ASXL2: variants seen among roughly 807,000 people sequenced by gnomAD.
ASXL2 encodes the protein putative Polycomb group protein ASXL2.
In ASXL2, 23 loss-of-function variants were observed where a neutral mutation model predicts 122.0. That is an observed-to-expected ratio of 0.19 (90% CI 0.14 to 0.27). ASXL2 has a LOEUF of 0.27. Among genes scored for constraint, ASXL2 ranks in the 10% least tolerant of loss-of-function variants. The pLI is 1.00. For synonymous variants in ASXL2, 650 were observed against 637.0 expected, an observed-to-expected ratio of 1.02 and a Z score of -0.31; for missense variants, 1,518 against 1,713.8, an observed-to-expected ratio of 0.89 and a Z score of 2.02.
intron 5 of ASXL2, among the ~76,000 whole-genome samples, chr2:25,789,236 C>T (rs968191122): frequency 7.9e-5 from 12 of 150,976 alleles, no homozygotes; most frequent in African/African-American, 2.9e-4. Context: ...CTGGTCATAC[C>T]CATTGCCCCA....
intron 3 of ASXL2, chr2:25,822,523 T>A (rs2089324494): frequency 4.0e-6 from 2 of 494,518 alleles, no homozygotes; most frequent in Non-Finnish European, 7.7e-6. Context: ...CTTCACTGAA[T>A]TCTGTGAACA....
At chr2:25,844,406 C>T (rs1365244076) in intron 2 of ASXL2, among the ~76,000 whole-genome samples, 1 of 151,824 alleles carries the variant, frequency 6.6e-6, no homozygotes, top group Non-Finnish European at 1.5e-5. Flanking sequence ...AATGGTGAAA[C>T]CCTGTCTCTA....
At chr2:25,794,889 G>T (rs115028664) in intron 5 of ASXL2, among the ~76,000 whole-genome samples, 96 of 152,252 alleles carry the variant, frequency 6.3e-4, no homozygotes, top group African/African-American at 2.2e-3. Flanking sequence ...GAACTGCTTT[G>T]CTGTATACTC....
At chr2:25,784,401 T>A (rs2088705508) in intron 5 of ASXL2, among the ~76,000 whole-genome samples, 1 of 152,212 alleles carries the variant, frequency 6.6e-6, no homozygotes, top group South Asian at 2.1e-4. Flanking sequence ...TATACAATAT[T>A]TTAAAAGATT....
intron 3 of ASXL2, among the ~76,000 whole-genome samples, chr2:25,833,194 G>A (rs2149187637): frequency 6.6e-6 from 1 of 152,284 alleles, no homozygotes; most frequent in Admixed American, 6.5e-5. Flanking sequence ...GTAAAACCAG[G>A]TGGATTATAT....
chr2:25,735,049 GAAGCACGAA>G lies in ASXL2; in HGVS notation c.*6971_*6979del, dbSNP rs557461240. 4 of 152,238 alleles carry G rather than the reference GAAGCACGAA, an allele frequency of 2.6e-5. No individual in the cohort carries two copies. In the East Asian group the frequency reaches 7.7e-4, roughly 29 times the overall value. The allele number at this position is 152,238 out of a possible 1,614,324, so 9.4% of individuals were successfully genotyped here. A position where few individuals can be genotyped will look rare whatever the true frequency, so the allele number is the denominator to read the frequency against. On this transcript the variant is annotated 3_prime_UTR_variant, in exon 13 of 13. Coordinates refer to ENST00000435504, the MANE Select transcript of ASXL2 (RefSeq NM_018263.6). Reference sequence around the variant, plus strand: ...CCCTTTAGGTTCTTTTGGGTTTGAAGAAGCACGAAAAGCAAGGTTGCAGTTACTTTTCAG... The same window carrying G: ...CCCTTTAGGTTCTTTTGGGTTTGAAGAAGCAAGGTTGCAGTTACTTTTCAG...
At chr2:25,782,693 G>A (rs552824047) in intron 5 of ASXL2, among the ~76,000 whole-genome samples, 1 of 152,294 alleles carries the variant, frequency 6.6e-6, no homozygotes, top group African/African-American at 2.4e-5. Context: ...CAGTTATAAC[G>A]TTAAAGAGAA....
intron 4 of ASXL2, among the ~76,000 whole-genome samples, chr2:25,805,630 C>G (rs1484789960): frequency 6.6e-6 from 1 of 152,060 alleles, no homozygotes; most frequent in African/African-American, 2.4e-5. Flanking sequence ...TGTTGTGGGG[C>G]TCCTTAAAAC....
chr2:25,782,479 G>A (rs2088661793), intron 5 of ASXL2, among the ~76,000 whole-genome samples: 1 of 152,090 alleles, frequency 6.6e-6, no homozygotes, highest in South Asian at 2.1e-4. Flanking sequence ...CCAGGAGATG[G>A]AGGTTGCAGT....
At chr2:25,841,023 C>A (rs2089572546) in intron 2 of ASXL2, among the ~76,000 whole-genome samples, 1 of 152,206 alleles carries the variant, frequency 6.6e-6, no homozygotes, top group Admixed American at 6.5e-5. Context: ...ACCAGCCAGG[C>A]ATGGTGGCTC....
intron 5 of ASXL2, among the ~76,000 whole-genome samples, chr2:25,790,641 A>G (rs952937335): frequency 6.6e-6 from 1 of 152,114 alleles, no homozygotes; most frequent in Non-Finnish European, 1.5e-5. Context: ...TTCAAAAGCA[A>G]AACAAAAATA....
intron 1 of ASXL2, among the ~76,000 whole-genome samples, chr2:25,859,811 T>C (rs2089823328): frequency 2.6e-5 from 4 of 152,334 alleles, no homozygotes. Context: ...ATTAAGATAG[T>C]TGGAAAACCC....
At chr2:25,868,640 A>C (rs2089929536) in intron 1 of ASXL2, among the ~76,000 whole-genome samples, 3 of 152,242 alleles carry the variant, frequency 2.0e-5, no homozygotes, top group African/African-American at 7.2e-5. Flanking sequence ...GTCTTAGCAT[A>C]ATTTTCTTTC....
At chr2:25,806,984 A>T (rs2089092147) in intron 3 of ASXL2, among the ~76,000 whole-genome samples, 1 of 152,084 alleles carries the variant, frequency 6.6e-6, no homozygotes. Context: ...CAAATATTTT[A>T]AAATAGTGCT....
chr2:25,787,786 T>A (rs1324972786), intron 5 of ASXL2, among the ~76,000 whole-genome samples: 1 of 152,054 alleles, frequency 6.6e-6, no homozygotes, highest in Non-Finnish European at 1.5e-5. Flanking sequence ...AAAAAGTCAA[T>A]AGAACTAAAA....
intron 1 of ASXL2, among the ~76,000 whole-genome samples, chr2:25,849,581 C>A (rs971164572): frequency 6.6e-6 from 1 of 152,024 alleles, no homozygotes; most frequent in African/African-American, 2.4e-5. Context: ...CTCAAGCTAT[C>A]CTCCTGTCTC....
At chr2:25,793,884 T>C (rs2088873102) in intron 5 of ASXL2, among the ~76,000 whole-genome samples, 1 of 152,182 alleles carries the variant, frequency 6.6e-6, no homozygotes, top group South Asian at 2.1e-4. Flanking sequence ...TTCTGGGTAG[T>C]CTAACTATCC....
rs1325151141 is a variant in ASXL2 at position 25,735,471 on chromosome 2, A to G, written c.*6558T>C. The G allele has an allele frequency of 6.6e-6, 1 of 152,236 alleles. No homozygotes were observed. Among genetic ancestry groups the G allele is most frequent in the Admixed American group, 6.5e-5 (1 of 15,288 alleles). The allele number at this position is 152,236 out of a possible 1,614,324, so 9.4% of individuals were successfully genotyped here. On this transcript the variant is annotated 3_prime_UTR_variant, in exon 13 of 13. Transcript: ENST00000435504. The stretch of plus-strand genomic sequence containing the variant: ...CTACATTAGAATAGAAAAGGACACA[A>G]AAGTAATTTTATCCATTATGGAGAA...
rs1160289846 is a variant in ASXL2, at chr2:25,738,645, G to C, written c.*3384C>G. On this transcript the variant is annotated 3_prime_UTR_variant, in exon 13 of 13. Coordinates refer to ENST00000435504, the MANE Select transcript of ASXL2 (RefSeq NM_018263.6). The stretch of plus-strand genomic sequence containing the variant: ...TTATAGCAAATCACTTCACCAGAGA[G>C]TTATTTATGGCTCTCTAAGGTGGAG... 6.6e-6 allele frequency: 1 copy of C among 152,164 alleles called. No homozygotes were observed. Among genetic ancestry groups the C allele is most frequent in the Non-Finnish European group, 1.5e-5 (1 of 68,056 alleles). The allele number at this position is 152,164 out of a possible 1,614,324, so 9.4% of individuals were successfully genotyped here.
Sources: gnomAD v4.1 joint callset for allele counts (sites outside exome capture counted in the v4.1 genomes callset) on GRCh38, gnomAD v4.1.1 for gene constraint, MANE v1.5 for transcripts, NCBI Gene and HGNC (gene_info 2026-07-23, HGNC 2026-07-21) for gene names.